MACROH2A1: variants seen among roughly 807,000 people sequenced by gnomAD.
MACROH2A1 encodes core histone macro-H2A.1.
A neutral mutation model predicts 31.6 loss-of-function variants in MACROH2A1; 2 were observed. That is an observed-to-expected ratio of 0.06 (90% CI 0.03 to 0.20). The LOEUF is 0.20. Ranked by LOEUF, MACROH2A1 falls within the 10% of genes least tolerant of loss-of-function variation. MACROH2A1 has a pLI of 1.00. For synonymous variants in MACROH2A1, 169 were observed against 189.6 expected, an observed-to-expected ratio of 0.89 and a Z score of 0.89; for missense variants, 230 against 474.0, an observed-to-expected ratio of 0.49 and a Z score of 4.78.
chr5:135,388,158 C>G (rs1195611922), intron 2 of MACROH2A1, among the ~76,000 whole-genome samples: 1 of 151,210 alleles, frequency 6.6e-6, no homozygotes, highest in African/African-American at 2.4e-5. Flanking sequence ...TTATAACCAC[C>G]AAGAAATGAA....
intron 6 of MACROH2A1, among the ~76,000 whole-genome samples, chr5:135,348,132 C>A (rs774756637): frequency 6.6e-6 from 1 of 152,162 alleles, no homozygotes; most frequent in African/African-American, 2.4e-5. Flanking sequence ...AGATTGCAGG[C>A]AATCAACCCA....
In MACROH2A1 at chr5:135,399,040, A is replaced by T. The variant is rs1312422913; in HGVS notation, c.-34+22T>A. Reference sequence around the variant, plus strand: ...AGCGGCGGGGACAGGGAGTGCGGCAAGGGGGCCCGCGCGGCACTTACGCGG... The same window carrying T: ...AGCGGCGGGGACAGGGAGTGCGGCATGGGGGCCCGCGCGGCACTTACGCGG... On this transcript the variant is annotated intron_variant, in intron 1 of 8. Transcript: ENST00000511689. This position sits in a 1 kb window ranked among gnomAD's most constrained non-coding sequence, Gnocchi z 4.5. 1 of 148,314 alleles carries T rather than the reference A, an allele frequency of 6.7e-6. No homozygotes were observed. The highest frequency in any genetic ancestry group is 1.5e-5 in the Non-Finnish European group (1 of 66,922). 9.2% of individuals were successfully genotyped at this position (148,314 alleles called of 1,614,324 possible). A position where few individuals can be genotyped will look rare whatever the true frequency, so the allele number is the denominator to read the frequency against.
chr5:135,358,641 A>C, intron 5 of MACROH2A1: 1 of 975,392 alleles, frequency 1.0e-6, no homozygotes, highest in Non-Finnish European at 1.2e-6. Context: ...TAAGCACATT[A>C]ATTTCACTGT....
intron 1 of MACROH2A1, among the ~76,000 whole-genome samples, chr5:135,392,403 C>G (rs1216203877): frequency 6.6e-6 from 1 of 152,206 alleles, no homozygotes; most frequent in Non-Finnish European, 1.5e-5. Flanking sequence ...GGCCTCAAGT[C>G]TGTCTCCCCA....
intron 2 of MACROH2A1, among the ~76,000 whole-genome samples, chr5:135,385,489 G>A (rs1766273295): frequency 6.6e-6 from 1 of 152,140 alleles, no homozygotes; most frequent in Admixed American, 6.5e-5. Flanking sequence ...TGAGTGGGTG[G>A]GACTTCCCTC....
At chr5:135,343,800 G>GTTTT (rs199598024) in intron 7 of MACROH2A1, 1 of 273,482 alleles carries the variant, frequency 3.7e-6, no homozygotes. Flanking sequence ...TAATTGTTTT[G>GTTTT]GGTTTCCAAC....
chr5:135,355,355 CACT>C (rs1384345832), intron 5 of MACROH2A1: 9 of 419,984 alleles, frequency 2.1e-5, no homozygotes, highest in Non-Finnish European at 3.8e-5. Flanking sequence ...CTCAGGGAGC[CACT>C]ACTACTCAGC....
chr5:135,353,262 C>T (rs968614798), intron 5 of MACROH2A1: 47 of 511,544 alleles, frequency 9.2e-5, no homozygotes, highest in Non-Finnish European at 1.6e-4. Flanking sequence ...GTTCAGAGCC[C>T]GTGGGTGGCA....
At chr5:135,362,285 C>T (rs370915400) in intron 4 of MACROH2A1, 22 of 152,236 alleles carry the variant, frequency 1.4e-4, no homozygotes, top group African/African-American at 3.9e-4. Context: ...ATGTGTACCA[C>T]GGTTATGTGA....
intron 2 of MACROH2A1, among the ~76,000 whole-genome samples, chr5:135,387,312 T>C (rs944862930): frequency 2.0e-5 from 3 of 152,222 alleles, no homozygotes; most frequent in African/African-American, 4.8e-5. Flanking sequence ...TCCCAAAATA[T>C]GTACAAATAC....
intron 2 of MACROH2A1, among the ~76,000 whole-genome samples, chr5:135,381,106 G>A (rs916288803): frequency 6.6e-6 from 1 of 152,174 alleles, no homozygotes; most frequent in African/African-American, 2.4e-5. Flanking sequence ...TGATAAAGGT[G>A]GCATCTCAGA....
chr5:135,342,550 T>G (rs1053468173), intron 8 of MACROH2A1, among the ~76,000 whole-genome samples: 8 of 152,198 alleles, frequency 5.3e-5, no homozygotes, highest in Non-Finnish European at 5.9e-5. Context: ...ACTAGACTTC[T>G]CCTGTGGTGG....
intron 5 of MACROH2A1, chr5:135,359,043 T>C (rs1762517776): frequency 2.0e-6 from 2 of 985,446 alleles, no homozygotes; most frequent in Non-Finnish European, 2.4e-6. Flanking sequence ...GCATTTTGCA[T>C]GGACATTTTT....
chr5:135,336,505 G>C (rs374202920), intron 8 of MACROH2A1, among the ~76,000 whole-genome samples: 1 of 112,256 alleles, frequency 8.9e-6, no homozygotes, highest in Non-Finnish European at 1.7e-5. Flanking sequence ...ACACACAGGC[G>C]GCAGCTCCTC....
chr5:135,343,165 T>G, intron 8 of MACROH2A1, 95 bp downstream of exon 8: 1 of 1,597,834 alleles, frequency 6.3e-7, no homozygotes. Context: ...GCAGCCTCCG[T>G]GGGCCTTGCA....
chr5:135,389,948 G>A (rs1360847390), intron 1 of MACROH2A1, among the ~76,000 whole-genome samples: 2 of 152,200 alleles, frequency 1.3e-5, no homozygotes, highest in Admixed American at 6.5e-5. Context: ...ACATGCCCCG[G>A]CCCTGGCCTG....
At chr5:135,353,753 T>C (rs1761860234) in intron 5 of MACROH2A1, 1 of 152,228 alleles carries the variant, frequency 6.6e-6, no homozygotes, top group Non-Finnish European at 1.5e-5. Flanking sequence ...GGGTGGCTTA[T>C]TGAGCATTTT....
intron 4 of MACROH2A1, among the ~76,000 whole-genome samples, chr5:135,363,140 G>C (rs1449034856): frequency 6.6e-6 from 1 of 151,998 alleles, no homozygotes; most frequent in Non-Finnish European, 1.5e-5. Flanking sequence ...GGGGGGCCAA[G>C]GCAGGAGGAT....
chr5:135,359,931 T>C, intron 5 of MACROH2A1: 1 of 983,774 alleles, frequency 1.0e-6, no homozygotes, highest in Middle Eastern at 5.2e-4. Flanking sequence ...CAAAGTTGCA[T>C]CACTGGGGCG....
Sources: gnomAD v4.1 joint callset for allele counts (sites outside exome capture counted in the v4.1 genomes callset) on GRCh38, gnomAD v4.1.1 for gene constraint, Gnocchi (gnomAD v3.1) non-coding constraint, MANE v1.5 for transcripts, NCBI Gene and HGNC (gene_info 2026-07-23, HGNC 2026-07-21) for gene names.